GLT8D1: variants seen among roughly 807,000 people sequenced by gnomAD.
GLT8D1 encodes the protein glycosyltransferase 8 domain-containing protein 1.
Under a neutral mutation model 46.2 loss-of-function variants are expected in GLT8D1, and 41 were observed. That is an observed-to-expected ratio of 0.89 (90% CI 0.69 to 1.15). The LOEUF (loss-of-function observed/expected upper bound fraction) is 1.15, where lower values mean the gene tolerates loss of function less well. GLT8D1 is among the 50% of genes most tolerant of loss of function. The probability of loss-of-function intolerance (pLI) is 0.00; values close to 1 mark genes in which losing one functional copy is unlikely to be tolerated. For missense variants in GLT8D1, 408 were observed against 449.3 expected (o/e 0.91, Z 0.83); for synonymous variants, 150 against 154.2 (o/e 0.97, Z 0.20).
chr3:52,700,293 G>A lies in GLT8D1; in HGVS notation c.84C>T (p.Ser28=), dbSNP rs1418054793. The A allele has an allele frequency of 1.2e-6, 2 of 1,613,184 alleles. No homozygotes were observed. Among genetic ancestry groups the A allele is most frequent in the African/African-American group, 2.7e-5 (2 of 74,896 alleles). Reference sequence around the variant, plus strand: ...CCTCATTCCTTAACAAACTGCTCAAGCTGAGGAAGTTATGGTGCAAAACCA... The same window carrying A: ...CCTCATTCCTTAACAAACTGCTCAAACTGAGGAAGTTATGGTGCAAAACCA... ...FLLVLHHNFL[S]LSSLLRNEVT... Residue 28 remains serine, a synonymous_variant, in exon 3 of 10, where the codon AGC becomes AGT. Coordinates refer to ENST00000266014, the MANE Select transcript of GLT8D1 (RefSeq NM_018446.4).
At position 52,694,521 on chromosome 3, in the gene GLT8D1, G is replaced by A; in HGVS notation, c.*324C>T. 4 of 583,256 alleles carry A rather than the reference G, an allele frequency of 6.9e-6. No homozygotes were observed. The highest frequency in any genetic ancestry group is 1.2e-5 in the Non-Finnish European group (4 of 329,780). 36.1% of individuals were successfully genotyped at this position (583,256 alleles called of 1,614,324 possible). On this transcript the variant is annotated 3_prime_UTR_variant, in exon 10 of 10. Coordinates refer to ENST00000266014, the MANE Select transcript of GLT8D1 (RefSeq NM_018446.4). ...AATGTAAGTTTTATTTACAGATCAG[G>A]CCACAGGTTACAAAATTAAAACCAA...
At chr3:52,696,904 A>G (rs1362604825) in intron 4 of GLT8D1, among the ~76,000 whole-genome samples, 1 of 46,688 alleles carries the variant, frequency 2.1e-5, no homozygotes, top group Non-Finnish European at 4.3e-5. Context: ...AGAACATTTC[A>G]TCACCACCTG....
In GLT8D1 at chr3:52,697,860, CTT is replaced by C. The variant is rs747867552; in HGVS notation, c.188_189del (p.Gln63ArgfsTer11). 101 of 1,613,890 alleles carry C rather than the reference CTT, an allele frequency of 6.3e-5. No individual in the cohort carries two copies. The highest frequency in any genetic ancestry group is 9.3e-5 in the African/African-American group (7 of 75,072). The part of the protein sequence containing the change: ...NALRHAVDGR[Q>X]EEIPVVIAAS... ...GCAGCGATGACCACAGGAATCTCCTCTTGTCTCCCATCTACTGCATGTCGGAG... is the reference window on the plus strand; with the variant it reads ...GCAGCGATGACCACAGGAATCTCCTCGTCTCCCATCTACTGCATGTCGGAG... On this transcript the variant is annotated frameshift_variant, in exon 4 of 10. Coordinates refer to ENST00000266014, the MANE Select transcript of GLT8D1 (RefSeq NM_018446.4). LOFTEE classifies it high-confidence loss of function.
chr3:52,702,700 A>G (rs1561269000), intron 1 of GLT8D1, among the ~76,000 whole-genome samples: 1 of 151,994 alleles, frequency 6.6e-6, no homozygotes, highest in Non-Finnish European at 1.5e-5. Context: ...ACCATCCCCC[A>G]ACCCCATATC....
At position 52,697,881 on chromosome 3, in the gene GLT8D1, G is replaced by A. The variant is rs1222652621; in HGVS notation, c.169C>T (p.His57Tyr). 1 of 1,613,786 alleles carries A rather than the reference G, an allele frequency of 6.2e-7. No homozygotes were observed. The highest frequency in any genetic ancestry group is 1.1e-5 in the South Asian group (1 of 91,072). Residue 57 changes from histidine to tyrosine, a missense_variant, in exon 4 of 10, where the codon CAT becomes TAT. Transcript: ENST00000266014. ...PIDFVPNALR[H>Y]AVDGRQEEIP... is the part of the protein sequence containing the mutation. ...TCCTCTTGTCTCCCATCTACTGCATGTCGGAGAGCATTTGGGACAAAGTCT... is the reference window on the plus strand; with the variant it reads ...TCCTCTTGTCTCCCATCTACTGCATATCGGAGAGCATTTGGGACAAAGTCT...
intron 3 of GLT8D1, among the ~76,000 whole-genome samples, chr3:52,699,100 A>G (rs1473704460): frequency 6.6e-6 from 1 of 152,170 alleles, no homozygotes; most frequent in Non-Finnish European, 1.5e-5. Context: ...CAGTTTATAT[A>G]TAGTACAATC....
intron 1 of GLT8D1, chr3:52,703,992 G>T (rs2097341510): frequency 6.6e-6 from 1 of 152,162 alleles, no homozygotes; most frequent in African/African-American, 2.4e-5. Flanking sequence ...TAGCAACACA[G>T]TTGGTCCTCA....
At chr3:52,695,906 G>A in intron 7 of GLT8D1, 22 bp downstream of exon 7, 2 of 1,294,118 alleles carry the variant, frequency 1.5e-6, no homozygotes, top group Non-Finnish European at 2.3e-6. Context: ...GTAGGAAGAG[G>A]GGTGTTTGGT....
intron 4 of GLT8D1, 31 bp from the exon 5 acceptor site, chr3:52,696,690 T>TAAA: frequency 8.6e-7 from 1 of 1,161,808 alleles, no homozygotes. Context: ...CATTTTAGTT[T>TAAA]CAAATAATGT....
chr3:52,700,751 T>C, intron 1 of GLT8D1: 1 of 284,876 alleles, frequency 3.5e-6, no homozygotes, highest in Non-Finnish European at 6.6e-6. Context: ...CATCACAAGA[T>C]GAAAAGCAAA....
Position 52,694,580 on chromosome 3 carries a change from AACTAGCCATATCAGT to A in GLT8D1, c.*250_*264del. ...TTGAATTATCTGTACCAGCTAGCTG[AACTAGCCATATCAGT>A]TCTTCTTTCCAGTCATTCAGCATTG... On this transcript the variant is annotated 3_prime_UTR_variant, in exon 10 of 10. Coordinates refer to ENST00000266014, the MANE Select transcript of GLT8D1 (RefSeq NM_018446.4). The A allele has an allele frequency of 1.7e-6, 1 of 595,228 alleles. No homozygotes were observed. Among genetic ancestry groups the A allele is most frequent in the Non-Finnish European group, 3.0e-6 (1 of 335,670 alleles). 36.9% of individuals were successfully genotyped at this position (595,228 alleles called of 1,614,324 possible).
chr3:52,699,412 G>A (rs373036452), intron 3 of GLT8D1, among the ~76,000 whole-genome samples: 2 of 152,204 alleles, frequency 1.3e-5, no homozygotes, highest in African/African-American at 4.8e-5. Flanking sequence ...AGCCTCCCGA[G>A]TAGCTGGGAC....
intron 5 of GLT8D1, 88 bp from the exon 6 acceptor site, chr3:52,696,406 A>G: frequency 9.3e-7 from 1 of 1,079,162 alleles, no homozygotes; most frequent in Non-Finnish European, 1.4e-6. Flanking sequence ...TTCAGTACCC[A>G]TTCAGGAGAA....
chr3:52,696,574 CCTTTA>C lies in GLT8D1; in HGVS notation c.410_414del (p.Val137GlyfsTer4). On this transcript the variant is annotated frameshift_variant, in exon 5 of 10. Transcript: ENST00000266014. LOFTEE classifies it high-confidence loss of function. ...ATGGATTCCCCCTGGTCAGGATCCT[CCTTTA>C]CTTTTCCTTCCAAAAGTTTAGGGTC... The C allele has an allele frequency of 1.2e-6, 2 of 1,601,374 alleles. No homozygotes were observed. Among genetic ancestry groups the C allele is most frequent in the Non-Finnish European group, 1.7e-6 (2 of 1,168,388 alleles).
Position 52,694,606 on chromosome 3 carries a change from A to C in GLT8D1, c.*239T>G. 1.7e-6 allele frequency: 1 copy of C among 601,894 alleles called. No homozygotes were observed. The allele number at this position is 601,894 out of a possible 1,614,324, so 37.3% of individuals were successfully genotyped here. On this transcript the variant is annotated 3_prime_UTR_variant, in exon 10 of 10. Transcript: ENST00000266014. The stretch of plus-strand genomic sequence containing the variant: ...ACTAGCCATATCAGTTCTTCTTTCC[A>C]GTCATTCAGCATTGTAGTAAGAAAA...
At chr3:52,702,506 A>G (rs2154100834) in intron 1 of GLT8D1, among the ~76,000 whole-genome samples, 1 of 152,202 alleles carries the variant, frequency 6.6e-6, no homozygotes, top group East Asian at 1.9e-4. Context: ...TATTCATGCC[A>G]CTGCACTCCA....
Position 52,694,877 on chromosome 3 carries a change from G to A in GLT8D1, c.1084C>T (p.Arg362Ter), listed in dbSNP as rs1388959236. Residue 362 changes from arginine (R) to a stop codon, truncating the protein, a stop_gained, in exon 10 of 10, where the codon CGA becomes TGA. Transcript: ENST00000266014. LOFTEE classifies it high-confidence loss of function. ...PDPTGKFNLI[R>*]RYTEISNIK ...ATGTTTGAGATCTCGGTATATCTTC[G>A]GATTAGGTTGAATTTGCCTGTTGGG... is the stretch of plus-strand genomic sequence containing the variant. 1 of 1,611,794 alleles carries A rather than the reference G, an allele frequency of 6.2e-7. No homozygotes were observed. The highest frequency in any genetic ancestry group is 8.5e-7 in the Non-Finnish European group (1 of 1,178,002).
Position 52,705,780 on chromosome 3 carries a change from A to G in GLT8D1, c.-370T>C. 8.2e-7 allele frequency: 1 copy of G among 1,217,000 alleles called. No homozygotes were observed. Among genetic ancestry groups the G allele is most frequent in the Non-Finnish European group, 1.0e-6 (1 of 954,220 alleles). The allele number at this position is 1,217,000 out of a possible 1,614,324, so 75.4% of individuals were successfully genotyped here. On this transcript the variant is annotated 5_prime_UTR_variant, in exon 1 of 10. Coordinates refer to ENST00000266014, the MANE Select transcript of GLT8D1 (RefSeq NM_018446.4). ...CGGTAACCGCTAGAGCGTCGCGCCA[A>G]GCAGGCGCCGCGGGGCAGCCCTGCC...
chr3:52,695,413 A>ATACTT lies in GLT8D1; in HGVS notation c.812+3_812+7dup. On this transcript the variant is annotated splice_region_variant and intron_variant, in intron 8 of 9. Coordinates refer to ENST00000266014, the MANE Select transcript of GLT8D1 (RefSeq NM_018446.4). ...AGTTTTTCACAGCTAGGCCAGTTAC[A>ATACTT]TACTTACTCTACATTGAGTTTCATC... 1 of 1,611,984 alleles carries ATACTT rather than the reference A, an allele frequency of 6.2e-7. No homozygotes were observed. Among genetic ancestry groups the ATACTT allele is most frequent in the Non-Finnish European group, 8.5e-7 (1 of 1,178,292 alleles).
Sources: allele counts gnomAD v4.1 joint callset (sites outside exome capture counted in the v4.1 genomes callset), GRCh38; gene constraint gnomAD v4.1.1; transcripts MANE v1.5; gene names NCBI Gene and HGNC (gene_info 2026-07-23, HGNC 2026-07-21).